Variants in EFCAB7 observed in about 807,000 individuals in gnomAD.
The protein encoded by EFCAB7 is EF-hand calcium binding domain 7, also known as EF-hand calcium-binding domain-containing protein 7.
A neutral mutation model predicts 77.1 loss-of-function variants in EFCAB7; 66 were observed. The observed-to-expected ratio is 0.86, with a 90% CI of 0.70 to 1.05. EFCAB7 has a LOEUF of 1.05. EFCAB7 is among the 50% of genes least tolerant of loss of function. EFCAB7 has a pLI of 0.00. For synonymous variants in EFCAB7, 225 were observed against 243.3 expected, an observed-to-expected ratio of 0.92 and a Z score of 0.70; for missense variants, 638 against 730.5, an observed-to-expected ratio of 0.87 and a Z score of 1.46.
intron 13 of EFCAB7, among the ~76,000 whole-genome samples, chr1:63,571,687 A>AAAAAAC: frequency 6.6e-6 from 1 of 151,328 alleles, no homozygotes; most frequent in African/African-American, 2.4e-5. Context: ...AAAAAAAAAA[A>AAAAAAC]AAAAAAAAGA....
chr1:63,547,557 A>T (rs896968932), intron 7 of EFCAB7: 1 of 152,218 alleles, frequency 6.6e-6, no homozygotes, highest in African/African-American at 2.4e-5. Flanking sequence ...TTTGAAAGAG[A>T]TGTATGAGTT....
At chr1:63,570,081 A>G (rs1647219406) in intron 12 of EFCAB7, 1 of 152,182 alleles carries the variant, frequency 6.6e-6, no homozygotes, top group Admixed American at 6.5e-5. Context: ...ACTTCTCACA[A>G]CAACCCTATG....
At chr1:63,563,106 A>G (rs1042518228) in intron 11 of EFCAB7, among the ~76,000 whole-genome samples, 4 of 152,192 alleles carry the variant, frequency 2.6e-5, no homozygotes, top group Admixed American at 6.5e-5. Context: ...TCTAGGAACA[A>G]TATTGATTGT....
In EFCAB7 at chr1:63,572,658, A is replaced by C; in HGVS notation, c.*142A>C. 9.6e-7 allele frequency: 1 copy of C among 1,042,734 alleles called. No homozygotes were observed. The highest frequency in any genetic ancestry group is 1.2e-6 in the Non-Finnish European group (1 of 808,944). The allele number at this position is 1,042,734 out of a possible 1,614,324, so 64.6% of individuals were successfully genotyped here. Reference sequence around the variant, plus strand: ...TGCATTTTCATTTTATGTCCATGGTATGTACTTTATTATTAAAATATAAAT... The same window carrying C: ...TGCATTTTCATTTTATGTCCATGGTCTGTACTTTATTATTAAAATATAAAT... On this transcript the variant is annotated 3_prime_UTR_variant, in exon 14 of 14. Coordinates refer to ENST00000371088, the MANE Select transcript of EFCAB7 (RefSeq NM_032437.4).
chr1:63,525,511 G>A, intron 1 of EFCAB7, 61 bp from the exon 2 acceptor site: 23 of 1,292,036 alleles, frequency 1.8e-5, no homozygotes, highest in Non-Finnish European at 2.4e-5. Context: ...GAAAGACATG[G>A]TGACATTTGT....
intron 11 of EFCAB7, among the ~76,000 whole-genome samples, chr1:63,567,323 G>A (rs1046381080): frequency 6.6e-6 from 1 of 151,944 alleles, no homozygotes; most frequent in Non-Finnish European, 1.5e-5. Context: ...TGTGGTGGTG[G>A]TCACCTGTAA....
chr1:63,545,219 C>G (rs2100894068), intron 6 of EFCAB7, among the ~76,000 whole-genome samples: 1 of 151,822 alleles, frequency 6.6e-6, no homozygotes, highest in South Asian at 2.1e-4. Context: ...GCCCAGCCAA[C>G]TTTATTTTTC....
chr1:63,529,694 C>G (rs1265977603), intron 2 of EFCAB7: 1 of 151,946 alleles, frequency 6.6e-6, no homozygotes, highest in Non-Finnish European at 1.5e-5. Context: ...GCCTGGGCAA[C>G]AAGAGCCAAA....
intron 2 of EFCAB7, among the ~76,000 whole-genome samples, chr1:63,530,314 T>C (rs933352341): frequency 5.3e-5 from 8 of 152,232 alleles, no homozygotes; most frequent in African/African-American, 1.9e-4. Context: ...TCTATAAAGA[T>C]AGTTGGAACT....
chr1:63,576,069 G>A (rs559939209), downstream of EFCAB7, among the ~76,000 whole-genome samples: 8 of 152,220 alleles, frequency 5.3e-5, no homozygotes, highest in South Asian at 1.7e-3. Flanking sequence ...GGGGAAAAAA[G>A]AACTGTAATG....
intron 1 of EFCAB7, among the ~76,000 whole-genome samples, chr1:63,524,228 C>G (rs767067514): frequency 6.6e-6 from 1 of 152,192 alleles, no homozygotes; most frequent in Non-Finnish European, 1.5e-5. Flanking sequence ...GAAATTCATT[C>G]TCCCTTACTT....
At chr1:63,583,260 T>G in the EFCAB7 span, among the ~76,000 whole-genome samples, 18 of 152,122 alleles carry the variant, frequency 1.2e-4, no homozygotes, top group Non-Finnish European at 1.5e-4. Context: ...AAGATTGCCC[T>G]TATCTATAAA....
At chr1:63,561,551 T>G (rs1340963997) in intron 10 of EFCAB7, among the ~76,000 whole-genome samples, 158 bp from the exon 11 acceptor site, 3 of 152,204 alleles carry the variant, frequency 2.0e-5, no homozygotes, top group Non-Finnish European at 4.4e-5. Context: ...TAGCTCTCAA[T>G]AATGTTTTGA....
chr1:63,559,873 C>T (rs1386264892), intron 10 of EFCAB7, among the ~76,000 whole-genome samples: 1 of 152,244 alleles, frequency 6.6e-6, no homozygotes, highest in East Asian at 1.9e-4. Flanking sequence ...TATTCTGTTC[C>T]ATTGATCTAT....
chr1:63,583,027 C>T, the EFCAB7 span, among the ~76,000 whole-genome samples: 4 of 152,128 alleles, frequency 2.6e-5, no homozygotes, highest in South Asian at 2.1e-4. Flanking sequence ...CAGCTTCTGC[C>T]AGCAAAGAAG....
At chr1:63,565,930 G>T (rs910751113) in intron 11 of EFCAB7, among the ~76,000 whole-genome samples, 2 of 152,182 alleles carry the variant, frequency 1.3e-5, no homozygotes, top group Non-Finnish European at 2.9e-5. Context: ...AACCATTGTG[G>T]AAGACAGTAT....
intron 5 of EFCAB7, 101 bp from the exon 6 acceptor site, chr1:63,533,994 C>A: frequency 1.6e-6 from 2 of 1,272,280 alleles, no homozygotes; most frequent in South Asian, 1.7e-5. Context: ...CAAAGAGAAT[C>A]AAAGTAATAC....
chr1:63,575,647 G>A (rs1647390281), downstream of EFCAB7, among the ~76,000 whole-genome samples: 1 of 152,012 alleles, frequency 6.6e-6, no homozygotes, highest in Admixed American at 6.6e-5. Context: ...CTGCAGTGGT[G>A]CTCTCAGCTC....
intron 12 of EFCAB7, chr1:63,570,332 A>G (rs971225824): frequency 6.6e-6 from 1 of 152,080 alleles, no homozygotes; most frequent in Admixed American, 6.6e-5. Flanking sequence ...CTCCCTATCC[A>G]TCCTAGAGGC....
Sources: gnomAD v4.1 joint callset for allele counts (sites outside exome capture counted in the v4.1 genomes callset) on GRCh38, gnomAD v4.1.1 for gene constraint, MANE v1.5 for transcripts, NCBI Gene and HGNC (gene_info 2026-07-23, HGNC 2026-07-21) for gene names.